Variants in SCARA5 observed in about 807,000 individuals in gnomAD.
SCARA5 encodes the protein scavenger receptor class A member 5.
Under a neutral mutation model 46.3 loss-of-function variants are expected in SCARA5, and 45 were observed. The observed-to-expected ratio is 0.97, with a 90% CI of 0.76 to 1.24. The LOEUF is 1.24. Ranked by LOEUF, SCARA5 falls within the 50% of genes most tolerant of loss-of-function variation. The probability of loss-of-function intolerance (pLI) is 0.00; values close to 1 mark genes in which losing one functional copy is unlikely to be tolerated. For synonymous variants in SCARA5, 333 were observed against 306.5 expected (o/e 1.09, Z -0.90); for missense variants, 680 against 689.0 (o/e 0.99, Z 0.15).
chr8:27,907,038 C>T (rs1563520073), intron 6 of SCARA5, 110 bp downstream of exon 6: 3 of 691,436 alleles, frequency 4.3e-6, no homozygotes, highest in Non-Finnish European at 7.2e-6. Context: ...ACAAGGTTGC[C>T]CCGCTGGTCC....
chr8:27,885,694 T>C (rs1806884501), intron 7 of SCARA5, among the ~76,000 whole-genome samples: 1 of 152,184 alleles, frequency 6.6e-6, no homozygotes, highest in Non-Finnish European at 1.5e-5. Flanking sequence ...TCTAATCACA[T>C]ACTTGCTGCC....
At chr8:27,873,700 C>T (rs1330999928) in intron 8 of SCARA5, among the ~76,000 whole-genome samples, 1 of 152,118 alleles carries the variant, frequency 6.6e-6, no homozygotes, top group Admixed American at 6.5e-5. Flanking sequence ...CCTTGTTGCT[C>T]ACCCAAAAAA....
At chr8:27,937,618 C>T (rs768775539) in intron 3 of SCARA5, among the ~76,000 whole-genome samples, 5 of 152,186 alleles carry the variant, frequency 3.3e-5, no homozygotes, top group African/African-American at 7.2e-5. Flanking sequence ...AATCCCAGGC[C>T]GCCATCACAA....
At chr8:27,955,634 T>C (rs1808196217) in intron 3 of SCARA5, among the ~76,000 whole-genome samples, 1 of 152,192 alleles carries the variant, frequency 6.6e-6, no homozygotes, top group South Asian at 2.1e-4. Flanking sequence ...CTGCCCAACA[T>C]TCCACCCTCC....
intron 3 of SCARA5, among the ~76,000 whole-genome samples, chr8:27,924,086 C>T (rs1807644489): frequency 6.6e-6 from 1 of 152,162 alleles, no homozygotes; most frequent in Non-Finnish European, 1.5e-5. Context: ...TGCTACAAAT[C>T]CTGAGTGGGG....
intron 7 of SCARA5, among the ~76,000 whole-genome samples, chr8:27,886,690 GTCA>G (rs1426822939): frequency 6.6e-6 from 1 of 152,204 alleles, no homozygotes; most frequent in African/African-American, 2.4e-5. Flanking sequence ...TGAGAAGGAC[GTCA>G]TCATTTAAGA....
At chr8:27,937,957 G>A (rs183412271) in intron 3 of SCARA5, among the ~76,000 whole-genome samples, 1 of 152,292 alleles carries the variant, frequency 6.6e-6, no homozygotes, top group East Asian at 1.9e-4. Context: ...GCACGGGGTG[G>A]GGATAGGGCT....
At chr8:27,906,961 C>T (rs1285356411) in intron 6 of SCARA5, among the ~76,000 whole-genome samples, 187 bp downstream of exon 6, 1 of 152,192 alleles carries the variant, frequency 6.6e-6, no homozygotes, top group Non-Finnish European at 1.5e-5. Flanking sequence ...TGAGTCACCA[C>T]ACCTGGCTGA....
intron 3 of SCARA5, among the ~76,000 whole-genome samples, chr8:27,922,780 G>A (rs562752092): frequency 8.4e-4 from 81 of 96,488 alleles, no homozygotes; most frequent in Admixed American, 3.5e-3. Flanking sequence ...AATCACCAAA[G>A]TCATAGTAAG....
intron 7 of SCARA5, among the ~76,000 whole-genome samples, chr8:27,891,598 G>C (rs1178769265): frequency 6.6e-6 from 1 of 152,192 alleles, no homozygotes; most frequent in African/African-American, 2.4e-5. Flanking sequence ...ACTACCAAAA[G>C]AATTTCCTGT....
chr8:27,987,683 CAGAG>C lies in SCARA5; in HGVS notation c.-15-57_-15-54del, dbSNP rs1220565654. 9.4e-6 allele frequency: 10 copies of C among 1,064,498 alleles called. No individual in the cohort carries two copies. In the African/African-American group the frequency reaches 1.1e-4, roughly 12 times the overall value. The allele number at this position is 1,064,498 out of a possible 1,614,324, so 65.9% of individuals were successfully genotyped here. A position where few individuals can be genotyped will look rare whatever the true frequency, so the allele number is the denominator to read the frequency against. On this transcript the variant is annotated intron_variant, in intron 1 of 8. Coordinates refer to ENST00000354914, the MANE Select transcript of SCARA5 (RefSeq NM_173833.6). ...GGGAGGACGAAGGCCGGGAGAGAGA[CAGAG>C]AATCAACTGTAGGTGGAAACAGAAG...
At chr8:27,899,813 A>G (rs1311243071) in intron 7 of SCARA5, among the ~76,000 whole-genome samples, 1 of 152,302 alleles carries the variant, frequency 6.6e-6, no homozygotes, top group East Asian at 1.9e-4. Flanking sequence ...TTCAACTTCC[A>G]CATCCACCTG....
intron 2 of SCARA5, among the ~76,000 whole-genome samples, chr8:27,973,802 CTAT>C (rs1183219713): frequency 6.6e-6 from 1 of 152,116 alleles, no homozygotes; most frequent in Non-Finnish European, 1.5e-5. Context: ...AAAAGTCTTA[CTAT>C]TATTAAGAGC....
intron 3 of SCARA5, among the ~76,000 whole-genome samples, chr8:27,965,306 A>G (rs910153903): frequency 6.6e-6 from 1 of 152,136 alleles, no homozygotes; most frequent in Non-Finnish European, 1.5e-5. Context: ...ATCTATCTGT[A>G]AGGGCTGGAC....
intron 3 of SCARA5, among the ~76,000 whole-genome samples, chr8:27,926,073 A>G (rs1382424318): frequency 2.0e-5 from 3 of 152,188 alleles, no homozygotes; most frequent in African/African-American, 7.2e-5. Flanking sequence ...TAGAAATACC[A>G]TTTGACCCAG....
intron 3 of SCARA5, among the ~76,000 whole-genome samples, chr8:27,947,626 T>C (rs574803280): frequency 6.8e-6 from 1 of 147,998 alleles, no homozygotes; most frequent in Admixed American, 6.9e-5. Flanking sequence ...AAACCAGTCA[T>C]AAAGGCTCAC....
intron 7 of SCARA5, among the ~76,000 whole-genome samples, chr8:27,898,333 A>ATCT (rs1409954519): frequency 1.3e-5 from 2 of 152,214 alleles, no homozygotes; most frequent in African/African-American, 4.8e-5. Context: ...TTAAGATGGG[A>ATCT]TCTTGGCAAA....
intron 3 of SCARA5, among the ~76,000 whole-genome samples, chr8:27,922,464 G>A (rs1302979780): frequency 1.3e-5 from 2 of 152,182 alleles, no homozygotes; most frequent in African/African-American, 2.4e-5. Flanking sequence ...CTGGCTAGGT[G>A]TCTCACCTGC....
intron 4 of SCARA5, among the ~76,000 whole-genome samples, chr8:27,915,312 G>A (rs1245700058): frequency 2.0e-5 from 3 of 152,164 alleles, no homozygotes; most frequent in Non-Finnish European, 2.9e-5. Context: ...CCTTGCTACC[G>A]TCCTCCGAGC....
Sources: allele counts gnomAD v4.1 joint callset (sites outside exome capture counted in the v4.1 genomes callset), GRCh38; gene constraint gnomAD v4.1.1; transcripts MANE v1.5; gene names NCBI Gene and HGNC (gene_info 2026-07-23, HGNC 2026-07-21).